The following ERCC6 variants were observed in gnomAD, a reference collection of about 807,000 sequenced individuals.
ERCC6 encodes DNA excision repair protein ERCC-6.
ERCC6 carries 116 observed loss-of-function variants against 158.7 expected under a neutral mutation model. That is an observed-to-expected ratio of 0.73 (90% CI 0.63 to 0.85). The LOEUF is 0.85. ERCC6 is among the 40% of genes least tolerant of loss of function. The pLI is 0.00. For missense variants in ERCC6, 1,698 were observed against 1,799.4 expected, an observed-to-expected ratio of 0.94 and a Z score of 1.02; for synonymous variants, 678 against 659.3, an observed-to-expected ratio of 1.03 and a Z score of -0.43.
chr10:49,489,053 G>C (rs1851127670), intron 8 of ERCC6, among the ~76,000 whole-genome samples: 1 of 152,174 alleles, frequency 6.6e-6, no homozygotes, highest in South Asian at 2.1e-4. Context: ...AAAGTGCTGG[G>C]ATTATAGGCG....
chr10:49,462,031 T>C (rs1850591958), intron 18 of ERCC6, among the ~76,000 whole-genome samples: 1 of 152,216 alleles, frequency 6.6e-6, no homozygotes, highest in South Asian at 2.1e-4. Flanking sequence ...ACCTTTCTTA[T>C]GAAGCTAGAC....
In ERCC6 at chr10:49,455,994, T is replaced by G. The variant is rs906647359; in HGVS notation, c.*2821A>C. On this transcript the variant is annotated 3_prime_UTR_variant, in exon 21 of 21. Coordinates refer to ENST00000355832, the MANE Select transcript of ERCC6 (RefSeq NM_000124.4). ...AAATCTACATCATTAATCCAACAAT[T>G]CTGTGCAGGCAGAGCTATACTTACA... The G allele has an allele frequency of 2.6e-5, 4 of 152,218 alleles. No individual in the cohort carries two copies. 9.4% of individuals were successfully genotyped at this position (152,218 alleles called of 1,614,324 possible). A position where few individuals can be genotyped will look rare whatever the true frequency, so the allele number is the denominator to read the frequency against.
intron 18 of ERCC6, among the ~76,000 whole-genome samples, chr10:49,462,487 G>A (rs1850600534): frequency 6.7e-6 from 1 of 149,698 alleles, no homozygotes; most frequent in Non-Finnish European, 1.5e-5. Context: ...ATAAAAGACT[G>A]ACAATTTTTT....
At position 49,470,166 on chromosome 10, in the gene ERCC6, G is replaced by C; in HGVS notation, c.3778+16C>G. 6.2e-7 allele frequency: 1 copy of C among 1,610,484 alleles called. No homozygotes were observed. Among genetic ancestry groups the C allele is most frequent in the Non-Finnish European group, 8.5e-7 (1 of 1,176,742 alleles). ...TAATCCTAGCATCCCTGTGGCAAACGTATCAAATGGATTACCTGATTTTTT... is the reference window on the plus strand; with the variant it reads ...TAATCCTAGCATCCCTGTGGCAAACCTATCAAATGGATTACCTGATTTTTT... On this transcript the variant is annotated intron_variant, in intron 18 of 20. Transcript: ENST00000355832.
chr10:49,474,817 A>G lies in ERCC6; in HGVS notation c.2383-575T>C, dbSNP rs185116441. ...ATGGGAAAGATATGGTCCATGCAGA[A>G]GGGCACAGAAGACAAGGGGTGAGTG... On this transcript the variant is annotated intron_variant, in intron 12 of 20. Transcript: ENST00000355832. Among the ~76,000 whole-genome samples the G allele has an allele frequency of 7.2e-5, 11 of 152,310 alleles. No homozygotes were observed. The East Asian group carries it at 1.5e-3, about 21-fold the overall frequency.
chr10:49,440,003 G>T, the ERCC6 span, among the ~76,000 whole-genome samples: 1 of 152,108 alleles, frequency 6.6e-6, no homozygotes, highest in Non-Finnish European at 1.5e-5. Flanking sequence ...AGTCTCCAGG[G>T]AGTTCCAAAC....
chr10:49,497,506 G>A (rs1485247282), intron 7 of ERCC6, among the ~76,000 whole-genome samples: 1 of 152,174 alleles, frequency 6.6e-6, no homozygotes, highest in African/African-American at 2.4e-5. Context: ...TCTTCTGGCT[G>A]AACATCTATC....
intron 5 of ERCC6, among the ~76,000 whole-genome samples, chr10:49,511,643 C>G (rs1836820338): frequency 6.6e-6 from 1 of 152,088 alleles, no homozygotes; most frequent in African/African-American, 2.4e-5. Context: ...CCAAGCTGGT[C>G]TCAGACTACT....
rs1850502766 is a variant in ERCC6, at chr10:49,457,503, CCTCT to C, written c.*1308_*1311del. ...GCAAGGCCCCCCTGCCCAGAACCCT[CCTCT>C]CTGAGTCACATGGATGAGCAGACAG... On this transcript the variant is annotated 3_prime_UTR_variant, in exon 21 of 21. Coordinates refer to ENST00000355832, the MANE Select transcript of ERCC6 (RefSeq NM_000124.4). The C allele has an allele frequency of 2.0e-5, 3 of 152,322 alleles. No homozygotes were observed. The highest frequency in any genetic ancestry group is 4.8e-5 in the African/African-American group (2 of 41,556). 9.4% of individuals were successfully genotyped at this position (152,322 alleles called of 1,614,324 possible). A position where few individuals can be genotyped will look rare whatever the true frequency, so the allele number is the denominator to read the frequency against.
At chr10:49,450,862 A>AGT (rs1003579363), downstream of ERCC6, among the ~76,000 whole-genome samples, 2 of 151,354 alleles carry the variant, frequency 1.3e-5, no homozygotes, top group African/African-American at 4.9e-5. Context: ...CCCAGGCTGG[A>AGT]GTGCGGTGGC....
At chr10:49,483,806 C>T (rs937501389) in intron 8 of ERCC6, among the ~76,000 whole-genome samples, 1 of 151,098 alleles carries the variant, frequency 6.6e-6, no homozygotes, top group Admixed American at 6.6e-5. Context: ...TTCAAAACAT[C>T]CTTTGTGTCC....
intron 18 of ERCC6, among the ~76,000 whole-genome samples, chr10:49,464,876 T>C (rs1206459456): frequency 6.6e-6 from 1 of 152,228 alleles, no homozygotes; most frequent in Admixed American, 6.5e-5. Flanking sequence ...AGGCAGAAGT[T>C]TGCTGCAGGG....
intron 5 of ERCC6, chr10:49,516,134 G>A (rs766843561): frequency 2.5e-5 from 40 of 1,614,000 alleles, no homozygotes; most frequent in South Asian, 1.6e-4. Flanking sequence ...GTGACGCACC[G>A]ACACCATATT....
intron 5 of ERCC6, chr10:49,516,171 C>A (rs745639461): frequency 1.2e-6 from 2 of 1,614,116 alleles, no homozygotes; most frequent in East Asian, 2.2e-5. Context: ...TGGGTTTTTA[C>A]CCTGATACGG....
At chr10:49,537,868 A>G (rs1325919750) in intron 1 of ERCC6, among the ~76,000 whole-genome samples, 1 of 152,204 alleles carries the variant, frequency 6.6e-6, no homozygotes, top group Non-Finnish European at 1.5e-5. Flanking sequence ...GATTACAGGC[A>G]TATGCCATCA....
chr10:49,475,216 G>C (rs1225778926), intron 12 of ERCC6: 1 of 300,332 alleles, frequency 3.3e-6, no homozygotes, highest in East Asian at 8.0e-5. Flanking sequence ...CAATTTCGAA[G>C]ACAGAACAAA....
chr10:49,451,091 G>A (rs921479328), downstream of ERCC6, among the ~76,000 whole-genome samples: 2 of 151,906 alleles, frequency 1.3e-5, no homozygotes, highest in African/African-American at 2.4e-5. Context: ...GATTACAGGC[G>A]TGAGCCACCA....
intron 8 of ERCC6, among the ~76,000 whole-genome samples, chr10:49,489,845 T>A (rs749299278): frequency 6.6e-6 from 1 of 152,224 alleles, no homozygotes; most frequent in Non-Finnish European, 1.5e-5. Flanking sequence ...CTTCTTTATC[T>A]CTTCATTTAC....
intron 5 of ERCC6, among the ~76,000 whole-genome samples, chr10:49,519,340 T>A (rs1036883835): frequency 6.6e-6 from 1 of 152,230 alleles, no homozygotes; most frequent in Non-Finnish European, 1.5e-5. Context: ...TATAACCATG[T>A]AAAGATGTGT....
Sources: allele counts gnomAD v4.1 joint callset (sites outside exome capture counted in the v4.1 genomes callset), GRCh38; gene constraint gnomAD v4.1.1; transcripts MANE v1.5; gene names NCBI Gene and HGNC (gene_info 2026-07-23, HGNC 2026-07-21).